SYN3: variants seen among roughly 807,000 people sequenced by gnomAD.
SYN3 encodes the protein synapsin III.
SYN3 carries 35 observed loss-of-function variants against 65.8 expected under a neutral mutation model. The observed-to-expected ratio is 0.53, with a 90% confidence interval of 0.41 to 0.70. The LOEUF is 0.70. SYN3 is among the 30% of genes least tolerant of loss of function. The pLI is 0.00. For synonymous variants in SYN3, 270 were observed against 292.9 expected, an observed-to-expected ratio of 0.92 and a Z score of 0.80; for missense variants, 680 against 749.0, an observed-to-expected ratio of 0.91 and a Z score of 1.08.
intron 6 of SYN3, among the ~76,000 whole-genome samples, chr22:32,791,621 G>A (rs1163476856): frequency 1.3e-5 from 2 of 151,232 alleles, no homozygotes; most frequent in African/African-American, 2.4e-5. Context: ...GAGGCAGAGT[G>A]GTGGGGTAGT....
chr22:32,972,303 T>A (rs908357507), intron 3 of SYN3, among the ~76,000 whole-genome samples: 2 of 152,152 alleles, frequency 1.3e-5, no homozygotes. Context: ...CCCCAGGCCA[T>A]CCTTAACAAG....
At chr22:32,751,289 T>C (rs5754247) in intron 6 of SYN3, among the ~76,000 whole-genome samples, 10,360 of 152,202 alleles carry the variant, frequency 0.068, 355 homozygotes, top group Middle Eastern at 0.088. Context: ...CAGGCGCAAT[T>C]GCAGTGCAGT....
chr22:32,585,538 G>A (rs1440027099), intron 7 of SYN3, among the ~76,000 whole-genome samples: 1 of 152,156 alleles, frequency 6.6e-6, no homozygotes, highest in East Asian at 1.9e-4. Context: ...CTGGCCCCAG[G>A]GAGTGTGAGG....
chr22:32,971,230 A>T (rs1482628978), intron 3 of SYN3, among the ~76,000 whole-genome samples: 1 of 152,236 alleles, frequency 6.6e-6, no homozygotes, highest in East Asian at 1.9e-4. Flanking sequence ...ATGGTTAGGA[A>T]GGGAAACACT....
chr22:32,864,622 C>T (rs573945187), intron 6 of SYN3: 4 of 241,918 alleles, frequency 1.7e-5, no homozygotes, highest in East Asian at 1.5e-4. Context: ...TTATAATCAG[C>T]CTCTGGTTCT....
At chr22:32,982,829 C>G (rs1366488413) in intron 2 of SYN3, among the ~76,000 whole-genome samples, 2 of 152,118 alleles carry the variant, frequency 1.3e-5, no homozygotes, top group African/African-American at 4.8e-5. Context: ...AGAGTTTAAC[C>G]TACAGCCTTT....
intron 4 of SYN3, among the ~76,000 whole-genome samples, chr22:32,922,387 G>A (rs908908633): frequency 2.0e-5 from 3 of 152,182 alleles, no homozygotes; most frequent in Admixed American, 6.5e-5. Context: ...TAGGGTTGTC[G>A]AAAGGATGAA....
At chr22:33,000,555 C>T (rs111941954) in intron 2 of SYN3, among the ~76,000 whole-genome samples, 5 of 152,276 alleles carry the variant, frequency 3.3e-5, no homozygotes, top group African/African-American at 1.2e-4. Flanking sequence ...AAACCTGATT[C>T]TACTGGAAGG....
intron 6 of SYN3, among the ~76,000 whole-genome samples, chr22:32,668,360 C>A (rs1467223533): frequency 1.3e-5 from 2 of 148,656 alleles, no homozygotes; most frequent in African/African-American, 5.1e-5. Context: ...TCATTTCCAC[C>A]CCCCCTTCCT....
intron 2 of SYN3, among the ~76,000 whole-genome samples, chr22:32,985,180 G>C (rs1007551344): frequency 1.3e-5 from 2 of 152,212 alleles, no homozygotes; most frequent in Non-Finnish European, 2.9e-5. Flanking sequence ...AGGATTAAAT[G>C]AAACAAGGCA....
At chr22:32,949,647 A>G (rs1452112215) in intron 3 of SYN3, among the ~76,000 whole-genome samples, 1 of 152,166 alleles carries the variant, frequency 6.6e-6, no homozygotes, top group Non-Finnish European at 1.5e-5. Flanking sequence ...GGCACCTGAC[A>G]AGAAGGTAAT....
chr22:32,786,565 T>C (rs1351017497), intron 6 of SYN3, among the ~76,000 whole-genome samples: 2 of 151,814 alleles, frequency 1.3e-5, no homozygotes, highest in Admixed American at 6.6e-5. Flanking sequence ...GGTTTCACCA[T>C]GTTAGCCAGG....
At chr22:32,531,893 C>A (rs1391439944) in intron 10 of SYN3, among the ~76,000 whole-genome samples, 1 of 67,768 alleles carries the variant, frequency 1.5e-5, no homozygotes, top group Non-Finnish European at 3.1e-5. Flanking sequence ...AAGTCCGAGC[C>A]CACTACTTTT....
chr22:32,533,862 C>T lies in SYN3; in HGVS notation c.1026G>A (p.Met342Ile). The T allele has an allele frequency of 1.2e-6, 2 of 1,613,926 alleles. No homozygotes were observed. The highest frequency in any genetic ancestry group is 1.7e-5 in the Admixed American group (1 of 60,010). ...YRLWVDSCSE[M>I]FGGLDICAVK... is the part of the protein sequence containing the mutation. ...CGGCACAGATGTCCAGGCCGCCAAA[C>T]ATTTCCGAGCAGCTGTCCACCCACA... Residue 342 changes from methionine to isoleucine, a missense_variant, in exon 10 of 14, where the codon ATG (methionine) becomes ATA (isoleucine). Transcript: ENST00000358763.
At chr22:32,814,106 TCGTGTG>T (rs1284520993) in intron 6 of SYN3, among the ~76,000 whole-genome samples, 6 of 23,098 alleles carry the variant, frequency 2.6e-4, no homozygotes, top group Admixed American at 2.1e-3. Flanking sequence ...CAGGCAATAC[TCGTGTG>T]TGTGTGTGTG....
At chr22:32,817,921 A>G (rs147747662) in intron 6 of SYN3, among the ~76,000 whole-genome samples, 1 of 152,224 alleles carries the variant, frequency 6.6e-6, no homozygotes, top group East Asian at 1.9e-4. Flanking sequence ...TCTGTTCTAT[A>G]CTTCTCTTAC....
rs111962678 is a variant in SYN3 at position 32,515,862 on chromosome 22, G to A, written c.1611-2038C>T. Among the ~76,000 whole-genome samples the A allele has an allele frequency of 9.6e-3, 1,452 of 151,594 alleles. 13 individuals carry two copies. Among genetic ancestry groups the A allele is most frequent in the Non-Finnish European group, 0.013 (857 of 67,874 alleles). On this transcript the variant is annotated intron_variant, in intron 13 of 13. Coordinates refer to ENST00000358763, the MANE Select transcript of SYN3 (RefSeq NM_003490.4). ...CACCCAGGCTGGAGTGCAGTGGCAC[G>A]ATCTCAGCTCACTGCAAGCTCCGCC... is the stretch of plus-strand genomic sequence containing the variant.
chr22:32,803,938 A>G (rs2046657072), intron 6 of SYN3, among the ~76,000 whole-genome samples: 1 of 152,142 alleles, frequency 6.6e-6, no homozygotes, highest in Non-Finnish European at 1.5e-5. Flanking sequence ...AAAAGTGAAA[A>G]CAAGCATGAG....
At chr22:32,618,629 C>T (rs577420120) in intron 6 of SYN3, among the ~76,000 whole-genome samples, 1 of 152,150 alleles carries the variant, frequency 6.6e-6, no homozygotes, top group Non-Finnish European at 1.5e-5. Flanking sequence ...TGTTCAGAGG[C>T]TGCATAATAG....
Sources: allele counts gnomAD v4.1 joint callset (sites outside exome capture counted in the v4.1 genomes callset), GRCh38; gene constraint gnomAD v4.1.1; transcripts MANE v1.5; gene names NCBI Gene and HGNC (gene_info 2026-07-23, HGNC 2026-07-21).